Variants in HACD1 observed in about 807,000 individuals in gnomAD.
The protein encoded by HACD1 is very-long-chain (3R)-3-hydroxyacyl-CoA dehydratase 1.
In HACD1, 41 loss-of-function variants were observed where a neutral mutation model predicts 32.0. That is an observed-to-expected ratio of 1.28 (90% CI 1.00 to 1.66). HACD1 has a LOEUF of 1.66. Among genes scored for constraint, HACD1 ranks in the 40% most tolerant of loss-of-function variants. The probability of loss-of-function intolerance (pLI) is 0.00; values close to 1 mark genes in which losing one functional copy is unlikely to be tolerated. For missense variants in HACD1, 396 were observed against 380.1 expected (o/e 1.04, Z -0.35); for synonymous variants, 142 against 139.0 (o/e 1.02, Z -0.15).
intron 1 of HACD1, among the ~76,000 whole-genome samples, chr10:17,610,999 CTTTTTTTTTTTT>C (rs71393021): frequency 9.7e-6 from 1 of 103,016 alleles, no homozygotes. Flanking sequence ...AGGTCCTCTT[CTTTTTTTTTTTT>C]TTTTTTTTTG....
chr10:17,617,032 C>G (rs1554818149), intron 1 of HACD1, 51 bp downstream of exon 1: 8 of 1,367,606 alleles, frequency 5.8e-6, no homozygotes, highest in Admixed American at 7.5e-5. Flanking sequence ...CCCGGAACCT[C>G]CGCGGACCGC....
At chr10:17,609,284 G>A (rs1313046213) in intron 1 of HACD1, among the ~76,000 whole-genome samples, 3 of 151,350 alleles carry the variant, frequency 2.0e-5, no homozygotes, top group Non-Finnish European at 4.4e-5. Context: ...CTCCGTAGTA[G>A]CTGAGACTAT....
intron 4 of HACD1, among the ~76,000 whole-genome samples, chr10:17,602,410 G>A (rs1834083497): frequency 2.0e-5 from 3 of 152,134 alleles, no homozygotes; most frequent in Admixed American, 2.0e-4. Context: ...TGACATAGCA[G>A]CATGGTGTCT....
At chr10:17,604,106 T>C in intron 1 of HACD1, 59 bp from the exon 2 acceptor site, 2 of 1,231,422 alleles carry the variant, frequency 1.6e-6, no homozygotes, top group African/African-American at 1.5e-5. Context: ...GATTTATACA[T>C]TTGTGTTTAC....
intron 4 of HACD1, among the ~76,000 whole-genome samples, chr10:17,601,297 G>T (rs1448721208): frequency 6.6e-6 from 1 of 152,164 alleles, no homozygotes; most frequent in Non-Finnish European, 1.5e-5. Context: ...GCCTCCCAAA[G>T]TGCTGGGATT....
At chr10:17,613,948 C>G (rs917907031) in intron 1 of HACD1, among the ~76,000 whole-genome samples, 2 of 152,146 alleles carry the variant, frequency 1.3e-5, no homozygotes, top group African/African-American at 2.4e-5. Context: ...AAAGGGGAAT[C>G]GGGAGCAGAT....
rs71393019 is a variant in HACD1 at position 17,591,976 on chromosome 10, AT to A, written c.785-1531del. Reference sequence around the variant, plus strand: ...CCCTGCCTTAACTCACCAGCTACTGATTTTTTTTTTTTTTTTTTTTTTTGAG... The same window carrying A: ...CCCTGCCTTAACTCACCAGCTACTGATTTTTTTTTTTTTTTTTTTTTTGAG... On this transcript the variant is annotated intron_variant, in intron 6 of 6. Transcript: ENST00000361271. Among the ~76,000 whole-genome samples the A allele has an allele frequency of 6.8e-3, 656 of 96,888 alleles. 7 individuals carry two copies. Among genetic ancestry groups the A allele is most frequent in the Admixed American group, 0.038 (283 of 7,466 alleles). 63.6% of individuals were successfully genotyped at this position (96,888 alleles called of 152,430 possible).
rs781815981 is a variant in HACD1 at position 17,603,721 on chromosome 10, C to G, written c.394+5G>C. 2 of 1,601,334 alleles carry G rather than the reference C, an allele frequency of 1.2e-6. No individual in the cohort carries two copies. The highest frequency in any genetic ancestry group is 1.7e-6 in the Non-Finnish European group (2 of 1,169,242). On this transcript the variant is annotated splice_donor_5th_base_variant and intron_variant, in intron 3 of 6. Transcript: ENST00000361271. ...TAAAAGTATAAAATTGAAGCAAAAA[C>G]TCACCAATTAAACAGTGAACTATCT... is the stretch of plus-strand genomic sequence containing the variant.
At chr10:17,592,801 C>T (rs1029246495) in intron 6 of HACD1, among the ~76,000 whole-genome samples, 2 of 152,226 alleles carry the variant, frequency 1.3e-5, no homozygotes, top group Non-Finnish European at 2.9e-5. Context: ...CTCTCCCGAA[C>T]TGGCTGGGGT....
chr10:17,615,841 C>A, intron 1 of HACD1: 1 of 433,082 alleles, frequency 2.3e-6, no homozygotes, highest in Non-Finnish European at 4.7e-6. Context: ...GTGGCCCACG[C>A]TTGTAGTCCC....
At chr10:17,605,770 A>G (rs963697134) in intron 1 of HACD1, among the ~76,000 whole-genome samples, 3 of 151,916 alleles carry the variant, frequency 2.0e-5, no homozygotes, top group African/African-American at 7.3e-5. Context: ...CCTGGCCAAC[A>G]TAGCAAAACC....
intron 6 of HACD1, among the ~76,000 whole-genome samples, chr10:17,593,000 G>A (rs1554815703): frequency 6.6e-6 from 1 of 152,132 alleles, no homozygotes; most frequent in Non-Finnish European, 1.5e-5. Context: ...TCAGGAGTTT[G>A]AGACCAGCCT....
intron 1 of HACD1, among the ~76,000 whole-genome samples, chr10:17,616,457 C>A (rs1476857492): frequency 6.6e-6 from 1 of 152,004 alleles, no homozygotes; most frequent in African/African-American, 2.4e-5. Flanking sequence ...GAGAGCTCTG[C>A]GAAGAGCGAC....
intron 5 of HACD1, among the ~76,000 whole-genome samples, chr10:17,594,752 A>G (rs1409247906): frequency 6.6e-6 from 1 of 151,876 alleles, no homozygotes; most frequent in Non-Finnish European, 1.5e-5. Flanking sequence ...GCTCACTGCA[A>G]CCTCCACCTC....
At chr10:17,613,909 GTCAGAGATA>G (rs45558434) in intron 1 of HACD1, among the ~76,000 whole-genome samples, 43,712 of 151,940 alleles carry the variant, frequency 0.29, 6,817 homozygotes, top group African/African-American at 0.37. Flanking sequence ...GGACGAGTGA[GTCAGAGATA>G]TCAAATGCAA....
chr10:17,613,505 C>T (rs1833023056), intron 1 of HACD1, among the ~76,000 whole-genome samples: 2 of 152,164 alleles, frequency 1.3e-5, no homozygotes, highest in Admixed American at 1.3e-4. Context: ...CATATCATGC[C>T]TATTTCCAGA....
chr10:17,604,726 G>T (rs1834121940), intron 1 of HACD1, among the ~76,000 whole-genome samples: 1 of 152,092 alleles, frequency 6.6e-6, no homozygotes, highest in Admixed American at 6.6e-5. Context: ...GATTGATTGA[G>T]ACAGGGTCTC....
chr10:17,607,279 C>T (rs1283305540), intron 1 of HACD1, among the ~76,000 whole-genome samples: 3 of 152,038 alleles, frequency 2.0e-5, no homozygotes, highest in Non-Finnish European at 4.4e-5. Context: ...CTAGTCCTGA[C>T]CCCTTTCCAC....
intron 1 of HACD1, among the ~76,000 whole-genome samples, chr10:17,613,144 G>GTGTGTGTTT (rs368670331): frequency 1.1e-3 from 139 of 128,728 alleles, no homozygotes; most frequent in Non-Finnish European, 1.2e-3. Context: ...GTGTGTGTGT[G>GTGTGTGTTT]TGTTTTGTTT....
Sources: allele counts gnomAD v4.1 joint callset (sites outside exome capture counted in the v4.1 genomes callset), GRCh38; gene constraint gnomAD v4.1.1; transcripts MANE v1.5; gene names NCBI Gene and HGNC (gene_info 2026-07-23, HGNC 2026-07-21).